The following PREX1 variants were observed in gnomAD, a reference collection of about 807,000 sequenced individuals.
The protein encoded by PREX1 is phosphatidylinositol-3,4,5-trisphosphate dependent Rac exchange factor 1.
PREX1 carries 41 observed loss-of-function variants against 198.3 expected under a neutral mutation model. That is an observed-to-expected ratio of 0.21 (90% CI 0.16 to 0.27). The LOEUF is 0.27. PREX1 is among the 10% of genes least tolerant of loss of function. The pLI is 1.00. For synonymous variants in PREX1, 843 were observed against 887.2 expected, an observed-to-expected ratio of 0.95 and a Z score of 0.89; for missense variants, 1,620 against 2,200.7, an observed-to-expected ratio of 0.74 and a Z score of 5.28.
intron 1 of PREX1, among the ~76,000 whole-genome samples, chr20:48,782,675 T>G (rs1401050105): frequency 6.6e-6 from 1 of 151,984 alleles, no homozygotes; most frequent in Admixed American, 6.6e-5. Context: ...ACTGAAAGCA[T>G]GATGAGGAGA....
At chr20:48,660,984 G>A (rs1033099053) in intron 15 of PREX1, among the ~76,000 whole-genome samples, 4 of 152,198 alleles carry the variant, frequency 2.6e-5, no homozygotes, top group Non-Finnish European at 4.4e-5. Context: ...AAGTTTTATT[G>A]GCACACAGCT....
At chr20:48,803,352 G>C (rs2090396024) in intron 1 of PREX1, among the ~76,000 whole-genome samples, 1 of 152,152 alleles carries the variant, frequency 6.6e-6, no homozygotes, top group Admixed American at 6.5e-5. Flanking sequence ...GCATATGCGG[G>C]TGGGGGAGGG....
At chr20:48,800,864 C>T (rs2090383530) in intron 1 of PREX1, among the ~76,000 whole-genome samples, 1 of 152,004 alleles carries the variant, frequency 6.6e-6, no homozygotes, top group Non-Finnish European at 1.5e-5. Flanking sequence ...CTATGTTGCC[C>T]AGGCTGGTCT....
intron 1 of PREX1, among the ~76,000 whole-genome samples, chr20:48,803,234 C>G (rs1157343234): frequency 6.6e-6 from 1 of 152,168 alleles, no homozygotes; most frequent in Non-Finnish European, 1.5e-5. Context: ...CAAAACATGG[C>G]TTCCCAGCAG....
intron 1 of PREX1, among the ~76,000 whole-genome samples, chr20:48,789,007 A>G (rs924744672): frequency 5.3e-5 from 8 of 152,164 alleles, no homozygotes; most frequent in African/African-American, 1.7e-4. Flanking sequence ...CCATAACTGT[A>G]AGAAGAAAGT....
intron 8 of PREX1, 102 bp downstream of exon 8, chr20:48,692,570 T>A: frequency 1.1e-6 from 1 of 951,508 alleles, no homozygotes; most frequent in Non-Finnish European, 1.6e-6. Context: ...GTAGATTACA[T>A]CTCATGATAA....
chr20:48,879,498 C>G, the PREX1 span, among the ~76,000 whole-genome samples: 1 of 152,202 alleles, frequency 6.6e-6, no homozygotes, highest in Admixed American at 6.5e-5. Context: ...AATCCTCTAG[C>G]TCATTCTACT....
At chr20:48,774,142 C>T (rs925033204) in intron 1 of PREX1, among the ~76,000 whole-genome samples, 15 of 152,330 alleles carry the variant, frequency 9.8e-5, no homozygotes, top group African/African-American at 3.1e-4. Context: ...AGTTCAATCT[C>T]GGACATTTTA....
At chr20:48,860,835 A>G in the PREX1 span, among the ~76,000 whole-genome samples, 2 of 147,936 alleles carry the variant, frequency 1.4e-5, no homozygotes, top group African/African-American at 2.5e-5. Flanking sequence ...CTCTGCCTCA[A>G]AAAAAAAAAA....
At chr20:48,779,104 A>G (rs61597665) in intron 1 of PREX1, among the ~76,000 whole-genome samples, 1 of 152,254 alleles carries the variant, frequency 6.6e-6, no homozygotes, top group Non-Finnish European at 1.5e-5. Context: ...TACAAATGAC[A>G]TATCTGACAA....
At chr20:48,750,988 T>C (rs1049491589) in intron 1 of PREX1, among the ~76,000 whole-genome samples, 12 of 152,190 alleles carry the variant, frequency 7.9e-5, no homozygotes, top group Non-Finnish European at 1.5e-4. Context: ...TAGAATGTCA[T>C]GGGATAAAGT....
chr20:48,780,493 G>T (rs1300357260), intron 1 of PREX1, among the ~76,000 whole-genome samples: 1 of 151,952 alleles, frequency 6.6e-6, no homozygotes, highest in African/African-American at 2.4e-5. Flanking sequence ...TCAAAAAAAA[G>T]AGAAAGAAGA....
At chr20:48,836,256 G>T in the PREX1 span, among the ~76,000 whole-genome samples, 1 of 152,324 alleles carries the variant, frequency 6.6e-6, no homozygotes, top group South Asian at 2.1e-4. Flanking sequence ...TCAGGCTGGA[G>T]ATAGAAATGT....
chr20:48,663,917 C>T (rs900066045), intron 15 of PREX1, among the ~76,000 whole-genome samples: 7 of 152,114 alleles, frequency 4.6e-5, no homozygotes, highest in Non-Finnish European at 1.5e-5. Flanking sequence ...CGCGCACACA[C>T]ACACACACAC....
chr20:48,737,446 T>C (rs577933520), intron 3 of PREX1, among the ~76,000 whole-genome samples: 1 of 152,132 alleles, frequency 6.6e-6, no homozygotes, highest in African/African-American at 2.4e-5. Flanking sequence ...TTGAGGTCAC[T>C]GCTGTGATGT....
intron 1 of PREX1, among the ~76,000 whole-genome samples, chr20:48,803,551 A>T (rs187914623): frequency 7.9e-4 from 120 of 152,082 alleles, no homozygotes; most frequent in African/African-American, 2.7e-3. Context: ...GACCAGCAGC[A>T]CCCCAATTCC....
At chr20:48,729,372 T>C (rs749919964) in intron 4 of PREX1, among the ~76,000 whole-genome samples, 1 of 152,100 alleles carries the variant, frequency 6.6e-6, no homozygotes, top group African/African-American at 2.4e-5. Flanking sequence ...CCACCGTGCC[T>C]GGCCCTGACT....
At chr20:48,754,305 C>T (rs1049742601) in intron 1 of PREX1, among the ~76,000 whole-genome samples, 1 of 152,196 alleles carries the variant, frequency 6.6e-6, no homozygotes, top group African/African-American at 2.4e-5. Flanking sequence ...GCAGTAAAGA[C>T]CTTATTTAAA....
chr20:48,704,291 A>G (rs6095246), intron 6 of PREX1, among the ~76,000 whole-genome samples: 34,035 of 152,158 alleles, frequency 0.22, 4,486 homozygotes, highest in South Asian at 0.4. Context: ...TTTTCTTTGC[A>G]ATCGATAGTC....
Sources: gnomAD v4.1 joint callset for allele counts (sites outside exome capture counted in the v4.1 genomes callset) on GRCh38, gnomAD v4.1.1 for gene constraint, MANE v1.5 for transcripts, NCBI Gene and HGNC (gene_info 2026-07-23, HGNC 2026-07-21) for gene names.